The following TMEM178B variants were observed in gnomAD, a reference collection of about 807,000 sequenced individuals.
TMEM178B encodes transmembrane protein 178B.
In TMEM178B, 5 loss-of-function variants were observed where a neutral mutation model predicts 31.0. The ratio of observed to expected loss-of-function variants is 0.16; its 90% CI spans 0.08 to 0.34. The LOEUF (loss-of-function observed/expected upper bound fraction) is 0.34, where lower values mean the gene tolerates loss of function less well. TMEM178B is among the 10% of genes least tolerant of loss of function. The pLI, the probability that TMEM178B is intolerant of heterozygous loss-of-function variation, is 1.00. For missense variants in TMEM178B, 275 were observed against 400.3 expected (o/e 0.69, Z 2.67); for synonymous variants, 164 against 164.0 (o/e 1.00, Z 0.00).
chr7:141,486,404 T>A, the TMEM178B span, among the ~76,000 whole-genome samples: 1 of 152,180 alleles, frequency 6.6e-6, no homozygotes. Flanking sequence ...ACACAAATTT[T>A]AAAAAAGAGC....
At chr7:141,455,543 A>G (rs982303531) in intron 3 of TMEM178B, among the ~76,000 whole-genome samples, 1 of 152,264 alleles carries the variant, frequency 6.6e-6, no homozygotes. Flanking sequence ...TGGCTAAAGC[A>G]TGGGTTTGAA....
At chr7:141,338,522 G>T (rs548767667) in intron 2 of TMEM178B, among the ~76,000 whole-genome samples, 1 of 152,246 alleles carries the variant, frequency 6.6e-6, no homozygotes, top group Admixed American at 6.5e-5. Context: ...TATTGGATGG[G>T]GATGGGAGAA....
At chr7:141,295,761 A>G (rs1798621082) in intron 2 of TMEM178B, among the ~76,000 whole-genome samples, 1 of 152,228 alleles carries the variant, frequency 6.6e-6, no homozygotes, top group South Asian at 2.1e-4. Context: ...GAATGAAATT[A>G]GAGCAGGTAT....
chr7:141,264,309 G>A (rs1798060506), intron 2 of TMEM178B, among the ~76,000 whole-genome samples: 1 of 152,208 alleles, frequency 6.6e-6, no homozygotes, highest in South Asian at 2.1e-4. Flanking sequence ...CAGAAGCCAA[G>A]GGCAAAGGCC....
chr7:141,280,679 G>A (rs1396049632), intron 2 of TMEM178B, among the ~76,000 whole-genome samples: 1 of 152,128 alleles, frequency 6.6e-6, no homozygotes, highest in East Asian at 1.9e-4. Context: ...CCATTTTCTG[G>A]GGCAGCTTTC....
At chr7:141,387,107 A>G (rs1463356031) in intron 2 of TMEM178B, among the ~76,000 whole-genome samples, 1 of 152,164 alleles carries the variant, frequency 6.6e-6, no homozygotes, top group African/African-American at 2.4e-5. Context: ...CATTTCTCCC[A>G]AATCTCAAAT....
At chr7:141,242,648 T>A (rs985120009) in intron 2 of TMEM178B, among the ~76,000 whole-genome samples, 3 of 151,588 alleles carry the variant, frequency 2.0e-5, no homozygotes, top group African/African-American at 7.3e-5. Context: ...TTCAAGTGAT[T>A]CTCCTGCCTC....
chr7:141,450,454 C>A (rs1801842950), intron 3 of TMEM178B, among the ~76,000 whole-genome samples: 1 of 152,186 alleles, frequency 6.6e-6, no homozygotes, highest in South Asian at 2.1e-4. Context: ...TAGCTGTTTT[C>A]TTTTTCAGGA....
intron 3 of TMEM178B, among the ~76,000 whole-genome samples, chr7:141,465,711 T>C (rs1476760965): frequency 6.6e-6 from 1 of 152,086 alleles, no homozygotes; most frequent in African/African-American, 2.4e-5. Flanking sequence ...TGTGGAGAGG[T>C]ACATAAAAAT....
At chr7:141,089,945 A>G (rs984815638) in intron 1 of TMEM178B, among the ~76,000 whole-genome samples, 1 of 152,020 alleles carries the variant, frequency 6.6e-6, no homozygotes, top group Non-Finnish European at 1.5e-5. Flanking sequence ...CCAACATGGC[A>G]TATGTATACA....
intron 2 of TMEM178B, among the ~76,000 whole-genome samples, chr7:141,428,022 C>T (rs1245056244): frequency 6.6e-6 from 1 of 152,048 alleles, no homozygotes; most frequent in East Asian, 1.9e-4. Context: ...GTAGACATGA[C>T]CAGAACAGGA....
At chr7:141,382,727 A>G (rs1364847871) in intron 2 of TMEM178B, among the ~76,000 whole-genome samples, 1 of 152,256 alleles carries the variant, frequency 6.6e-6, no homozygotes. Flanking sequence ...ATTAATATAT[A>G]TGTAATGACA....
intron 2 of TMEM178B, among the ~76,000 whole-genome samples, chr7:141,363,528 C>G (rs1159146971): frequency 6.6e-6 from 1 of 152,116 alleles, no homozygotes; most frequent in African/African-American, 2.4e-5. Flanking sequence ...GGGTGGGAGA[C>G]CAGGACTTGA....
At chr7:141,504,161 A>G in the TMEM178B span, among the ~76,000 whole-genome samples, 1 of 152,212 alleles carries the variant, frequency 6.6e-6, no homozygotes, top group Non-Finnish European at 1.5e-5. Flanking sequence ...GAGTGTGTGA[A>G]GAAATTACTG....
At position 141,196,685 on chromosome 7, in the gene TMEM178B, G is replaced by A. The variant is rs139356085; in HGVS notation, c.383-15906G>A. 1.1e-3 allele frequency among the ~76,000 whole-genome samples: 162 copies of A among 152,256 alleles called. 2 individuals carry two copies. Among genetic ancestry groups the A allele is most frequent in the African/African-American group, 2.8e-3 (116 of 41,538 alleles). On this transcript the variant is annotated intron_variant, in intron 1 of 3. Coordinates refer to ENST00000565468, the MANE Select transcript of TMEM178B (RefSeq NM_001195278.2). Reference sequence around the variant, plus strand: ...CCTAAATCGTGACTCCCCTGGGTGCGTCGAATATCAAACTATATTTGGTGC... The same window carrying A: ...CCTAAATCGTGACTCCCCTGGGTGCATCGAATATCAAACTATATTTGGTGC...
chr7:141,168,851 G>A (rs1033408452), intron 1 of TMEM178B, among the ~76,000 whole-genome samples: 14 of 151,814 alleles, frequency 9.2e-5, no homozygotes, highest in African/African-American at 2.7e-4. Flanking sequence ...AATTTTTATC[G>A]GGACATAATA....
the TMEM178B span, among the ~76,000 whole-genome samples, chr7:141,485,812 C>T: frequency 6.6e-6 from 1 of 152,182 alleles, no homozygotes; most frequent in Admixed American, 6.5e-5. Context: ...TGGGCTGCAG[C>T]CCCTACGGTG....
intron 2 of TMEM178B, among the ~76,000 whole-genome samples, chr7:141,310,673 G>A (rs1270251397): frequency 6.6e-6 from 1 of 152,118 alleles, no homozygotes; most frequent in Non-Finnish European, 1.5e-5. Context: ...GCGAGGCTGT[G>A]GACAAATAAC....
intron 2 of TMEM178B, among the ~76,000 whole-genome samples, chr7:141,283,531 C>CT (rs1457501979): frequency 6.6e-6 from 1 of 152,204 alleles, no homozygotes; most frequent in East Asian, 1.9e-4. Flanking sequence ...CTCTAGAAAT[C>CT]TTTTTTTCTT....
Sources: allele counts gnomAD v4.1 joint callset (sites outside exome capture counted in the v4.1 genomes callset), GRCh38; gene constraint gnomAD v4.1.1; transcripts MANE v1.5; gene names NCBI Gene and HGNC (gene_info 2026-07-23, HGNC 2026-07-21).